The following LRRFIP1 variants were observed in gnomAD, a reference collection of about 807,000 sequenced individuals.
LRRFIP1 encodes the protein LRR binding FLII interacting protein 1.
Under a neutral mutation model 104.4 loss-of-function variants are expected in LRRFIP1, and 62 were observed. The ratio of observed to expected loss-of-function variants is 0.59; its 90% CI spans 0.48 to 0.73. The LOEUF (loss-of-function observed/expected upper bound fraction) is 0.73. LRRFIP1 is among the 30% of genes least tolerant of loss of function. LRRFIP1 has a pLI of 0.00. For missense variants in LRRFIP1, 796 were observed against 824.5 expected, an observed-to-expected ratio of 0.97 and a Z score of 0.42; for synonymous variants, 300 against 299.0, an observed-to-expected ratio of 1.00 and a Z score of -0.03.
chr2:237,668,117 C>A (rs1207461784), intron 1 of LRRFIP1, among the ~76,000 whole-genome samples: 2 of 152,126 alleles, frequency 1.3e-5, no homozygotes, highest in African/African-American at 2.4e-5. Flanking sequence ...CACCTCAGAG[C>A]TGCCTGAGCC....
At chr2:237,692,644 G>A in intron 1 of LRRFIP1, 4 of 1,268,822 alleles carry the variant, frequency 3.2e-6, no homozygotes, top group Non-Finnish European at 4.1e-6. Context: ...GGCTCTGGCG[G>A]GACCCCAGCG....
At chr2:237,639,049 G>A (rs1346893364) in intron 1 of LRRFIP1, among the ~76,000 whole-genome samples, 1 of 152,164 alleles carries the variant, frequency 6.6e-6, no homozygotes, top group Non-Finnish European at 1.5e-5. Context: ...GGCAGTCATG[G>A]TAAAGAGCTA....
chr2:237,773,547 A>AAAT (rs1553716148), intron 22 of LRRFIP1, among the ~76,000 whole-genome samples: 4 of 152,136 alleles, frequency 2.6e-5, no homozygotes, highest in African/African-American at 9.7e-5. Context: ...AAAATAAAAT[A>AAAT]AAATAAATAA....
intron 1 of LRRFIP1, among the ~76,000 whole-genome samples, chr2:237,672,808 C>T (rs1383629442): frequency 2.0e-5 from 3 of 152,136 alleles, no homozygotes; most frequent in African/African-American, 7.2e-5. Context: ...GATGATATAT[C>T]CTTTTAACTA....
chr2:237,714,794 T>C (rs1163414342), intron 3 of LRRFIP1, among the ~76,000 whole-genome samples: 1 of 152,230 alleles, frequency 6.6e-6, no homozygotes, highest in Non-Finnish European at 1.5e-5. Flanking sequence ...TTTCCTAGTA[T>C]TTTGTAGAAG....
chr2:237,740,441 T>C (rs933873105), intron 11 of LRRFIP1, among the ~76,000 whole-genome samples: 5 of 150,846 alleles, frequency 3.3e-5, no homozygotes, highest in Admixed American at 2.0e-4. Context: ...AACAAAAACT[T>C]CTCCCAGCCA....
intron 1 of LRRFIP1, among the ~76,000 whole-genome samples, chr2:237,673,568 T>G (rs201438397): frequency 6.6e-6 from 1 of 152,200 alleles, no homozygotes; most frequent in East Asian, 1.9e-4. Context: ...ACATCAGTCC[T>G]CCCCAGAAAG....
intron 15 of LRRFIP1, among the ~76,000 whole-genome samples, chr2:237,753,932 G>A (rs564891409): frequency 8.6e-5 from 13 of 151,814 alleles, no homozygotes; most frequent in Non-Finnish European, 1.5e-4. Flanking sequence ...TTAAACAATG[G>A]CTCTCCGCTT....
intron 9 of LRRFIP1, among the ~76,000 whole-genome samples, chr2:237,734,230 G>A (rs1396933214): frequency 3.5e-5 from 5 of 142,428 alleles, no homozygotes; most frequent in Admixed American, 1.4e-4. Flanking sequence ...TGCAAGAAAC[G>A]TAAAGTAAAT....
intron 23 of LRRFIP1, among the ~76,000 whole-genome samples, chr2:237,777,820 G>C (rs2061219225): frequency 6.6e-6 from 1 of 152,096 alleles, no homozygotes; most frequent in South Asian, 2.1e-4. Flanking sequence ...TCTAATCAGA[G>C]GATGTTAGAG....
intron 2 of LRRFIP1, among the ~76,000 whole-genome samples, chr2:237,712,651 G>A (rs1250625210): frequency 6.6e-6 from 1 of 151,926 alleles, no homozygotes; most frequent in East Asian, 1.9e-4. Flanking sequence ...GCATGTGTGT[G>A]TGCATGTGTG....
intron 11 of LRRFIP1, 143 bp downstream of exon 11, chr2:237,739,452 C>T (rs994117490): frequency 2.6e-5 from 20 of 782,952 alleles, no homozygotes; most frequent in African/African-American, 2.4e-4. Context: ...TTTCAAGGAC[C>T]GTAAAAGAAA....
Position 237,720,614 on chromosome 2 carries a change from G to A in LRRFIP1, c.295-158G>A, listed in dbSNP as rs375712824. Among the ~76,000 whole-genome samples, 52 of 152,312 alleles carry A rather than the reference G, an allele frequency of 3.4e-4. No homozygotes were observed. The South Asian group carries it at 8.5e-3, about 25-fold the overall frequency. ...GATCCACAAAGCCCATGCTGTGGAG[G>A]ACCTAGACTGGTGTCCCCTGAGATG... On this transcript the variant is annotated intron_variant, in intron 5 of 23. Coordinates refer to ENST00000308482, the MANE Select transcript of LRRFIP1 (RefSeq NM_001137550.2).
chr2:237,702,945 ACTC>A (rs2093616818), intron 1 of LRRFIP1, among the ~76,000 whole-genome samples: 1 of 152,110 alleles, frequency 6.6e-6, no homozygotes, highest in East Asian at 1.9e-4. Context: ...ATTTCACTGT[ACTC>A]CTAAATGTTT....
At chr2:237,725,556 TAAG>T (rs1156286581) in intron 7 of LRRFIP1, among the ~76,000 whole-genome samples, 6 of 152,230 alleles carry the variant, frequency 3.9e-5, no homozygotes, top group Admixed American at 3.3e-4. Flanking sequence ...CAGTGTTCTT[TAAG>T]AAGGTCAAAG....
At chr2:237,770,026 A>C in intron 20 of LRRFIP1, 34 bp downstream of exon 20, 1 of 1,562,448 alleles carries the variant, frequency 6.4e-7, no homozygotes, top group East Asian at 2.3e-5. Flanking sequence ...CCGGTTCATG[A>C]ACAGGGCACC....
At chr2:237,658,554 G>A (rs571326217) in intron 1 of LRRFIP1, among the ~76,000 whole-genome samples, 38 of 152,310 alleles carry the variant, frequency 2.5e-4, no homozygotes, top group Middle Eastern at 3.4e-3. Flanking sequence ...CCAAGACTGG[G>A]TAATTTATAA....
intron 1 of LRRFIP1, among the ~76,000 whole-genome samples, chr2:237,679,635 T>C (rs562867140): frequency 7.9e-5 from 12 of 152,330 alleles, no homozygotes; most frequent in African/African-American, 2.2e-4. Flanking sequence ...TGAGACGGTG[T>C]ATCGCTCTTG....
chr2:237,687,101 A>G (rs1300606792), intron 1 of LRRFIP1, among the ~76,000 whole-genome samples: 1 of 152,250 alleles, frequency 6.6e-6, no homozygotes, highest in Non-Finnish European at 1.5e-5. Flanking sequence ...CCGCTGGTGC[A>G]TTCCATCATG....
Sources: allele counts gnomAD v4.1 joint callset (sites outside exome capture counted in the v4.1 genomes callset), GRCh38; gene constraint gnomAD v4.1.1; transcripts MANE v1.5; gene names NCBI Gene and HGNC (gene_info 2026-07-23, HGNC 2026-07-21).